PPFIA1: variants seen among roughly 807,000 people sequenced by gnomAD.
PPFIA1 encodes the protein PPFI scaffold protein A1.
PPFIA1 carries 25 observed loss-of-function variants against 149.9 expected under a neutral mutation model. The ratio of observed to expected loss-of-function variants is 0.17; its 90% CI spans 0.12 to 0.23. PPFIA1 has a LOEUF of 0.23. PPFIA1 is among the 10% of genes least tolerant of loss of function. PPFIA1 has a pLI of 1.00. For synonymous variants in PPFIA1, 549 were observed against 552.8 expected (o/e 0.99, Z 0.10); for missense variants, 1,362 against 1,506.5 (o/e 0.90, Z 1.59).
chr11:70,320,062 C>T, intron 2 of PPFIA1: 1 of 152,194 alleles, frequency 6.6e-6, no homozygotes, highest in Non-Finnish European at 1.5e-5. Flanking sequence ...AGTGGACAGG[C>T]CCTGTTTCTG....
intron 2 of PPFIA1, among the ~76,000 whole-genome samples, chr11:70,288,612 C>T (rs1365347064): frequency 6.6e-6 from 1 of 152,154 alleles, no homozygotes; most frequent in South Asian, 2.1e-4. Context: ...CGTCCGTGTA[C>T]AGTGATGAAC....
rs745924946 is a variant in PPFIA1 at position 70,372,583 on chromosome 11, A to T, written c.3139+9A>T. ...TCAGAGTGAAATAAAAGGTTAGTAC[A>T]TGACATTTAATTGATTCGGTTTACT... is the stretch of plus-strand genomic sequence containing the variant. On this transcript the variant is annotated intron_variant, in intron 23 of 27. Transcript: ENST00000253925. 5 of 1,591,432 alleles carry T rather than the reference A, an allele frequency of 3.1e-6. No homozygotes were observed. Among genetic ancestry groups the T allele is most frequent in the Non-Finnish European group, 4.3e-6 (5 of 1,162,062 alleles).
In PPFIA1 at chr11:70,382,090, A is replaced by C. The variant is rs200733562; in HGVS notation, c.3553A>C (p.Asn1185His). Residue 1185 changes from asparagine to histidine, a missense_variant and splice_region_variant, in exon 27 of 28, where the codon AAT becomes CAT. This residue lies in a region of PPFIA1 where 349 missense variants were observed against 373.3 expected (regional missense o/e 0.93). Coordinates refer to ENST00000253925, the MANE Select transcript of PPFIA1 (RefSeq NM_003626.5). ...TCCTCTCGTGGCTGTTGAAACAGGC[A>C]ATGTATCAGGAACACAGAGGTTGGA... ...MQPKKMQMDG[N>H]VSGTQRLDSA... The C allele has an allele frequency of 4.3e-6, 7 of 1,614,060 alleles. No homozygotes were observed. Among genetic ancestry groups the C allele is most frequent in the Admixed American group, 1.7e-5 (1 of 60,018 alleles).
At position 70,272,999 on chromosome 11, in the gene PPFIA1, C is replaced by T. The variant is rs193268762; in HGVS notation, c.264+563C>T. 4.6e-5 allele frequency among the ~76,000 whole-genome samples: 7 copies of T among 152,296 alleles called. No individual in the cohort carries two copies. In the East Asian group the frequency reaches 7.7e-4, roughly 17 times the overall value. Reference sequence around the variant, plus strand: ...CAGATGAGAATTTTAAAGCTTAGGCCGGGTGTGGTGGCTCATGCCTGTAAT... The same window carrying T: ...CAGATGAGAATTTTAAAGCTTAGGCTGGGTGTGGTGGCTCATGCCTGTAAT... On this transcript the variant is annotated intron_variant, in intron 2 of 27. Transcript: ENST00000253925.
At chr11:70,360,475 A>C (rs1344912708) in intron 19 of PPFIA1, among the ~76,000 whole-genome samples, 1 of 152,254 alleles carries the variant, frequency 6.6e-6, no homozygotes, top group Non-Finnish European at 1.5e-5. Flanking sequence ...CCGGACGCTC[A>C]AAGCCTTAGC....
chr11:70,354,436 A>G lies in PPFIA1; in HGVS notation c.2299A>G (p.Ile767Val). The part of the protein sequence containing the change: ...GALHTVSHED[I>V]RDIRNSTGSQ... ...GCTGCACACCGTCAGCCACGAGGAC[A>G]TCAGGGACATAAGGAAGTAAGGAGC... The change falls in exon 17 of 28, where the codon ATC (isoleucine) becomes GTC (valine). Residue 767 changes from isoleucine to valine, a missense_variant. By Grantham distance (29) the Ile-to-Val change is conservative (BLOSUM62 3). Coordinates refer to ENST00000253925, the MANE Select transcript of PPFIA1 (RefSeq NM_003626.5). 1.2e-6 allele frequency: 2 copies of G among 1,613,746 alleles called. No homozygotes were observed. Among genetic ancestry groups the G allele is most frequent in the Non-Finnish European group, 1.7e-6 (2 of 1,179,922 alleles).
intron 2 of PPFIA1, among the ~76,000 whole-genome samples, chr11:70,313,817 G>T (rs1456250093): frequency 6.6e-6 from 1 of 152,172 alleles, no homozygotes; most frequent in African/African-American, 2.4e-5. Flanking sequence ...CTTGAGCCCA[G>T]GAGTTTGAGG....
In PPFIA1 at chr11:70,272,250, C is replaced by G; in HGVS notation, c.78C>G (p.Ser26=). The part of the protein sequence containing the change: ...PGGGGGHGSG[S]PSQPDADSHF... ...GAGGTGGAGGCCATGGTTCCGGCTC[C>G]CCTTCACAGCCAGATGCAGATTCAC... Residue 26 remains serine, a synonymous_variant, in exon 2 of 28, where the codon TCC becomes TCG. Transcript: ENST00000253925. 6 of 1,614,164 alleles carry G rather than the reference C, an allele frequency of 3.7e-6. No homozygotes were observed. The highest frequency in any genetic ancestry group is 5.1e-6 in the Non-Finnish European group (6 of 1,180,032).
chr11:70,344,796 A>G (rs1300990776), intron 15 of PPFIA1, among the ~76,000 whole-genome samples: 1 of 152,238 alleles, frequency 6.6e-6, no homozygotes, highest in Non-Finnish European at 1.5e-5. Flanking sequence ...AACAGTCGAC[A>G]GATAGAGTCT....
At chr11:70,302,205 A>G (rs1049078160) in intron 2 of PPFIA1, among the ~76,000 whole-genome samples, 3 of 152,112 alleles carry the variant, frequency 2.0e-5, no homozygotes, top group East Asian at 1.9e-4. Context: ...CATCAAGGGG[A>G]TCGTGGGGAT....
chr11:70,322,993 A>G (rs2054038688), intron 2 of PPFIA1, among the ~76,000 whole-genome samples: 1 of 152,150 alleles, frequency 6.6e-6, no homozygotes, highest in Non-Finnish European at 1.5e-5. Flanking sequence ...ATAATTAGAA[A>G]CCAATTCAGT....
chr11:70,362,642 A>C, intron 21 of PPFIA1, 154 bp downstream of exon 21: 1 of 622,202 alleles, frequency 1.6e-6, no homozygotes, highest in Non-Finnish European at 2.4e-6. Flanking sequence ...TAGAACTTTT[A>C]ATTTTGGGGA....
chr11:70,273,042 C>T lies in PPFIA1; in HGVS notation c.264+606C>T, dbSNP rs533503119. 4.6e-5 allele frequency among the ~76,000 whole-genome samples: 7 copies of T among 152,308 alleles called. No homozygotes were observed. In the East Asian group the frequency reaches 1.4e-3, roughly 29 times the overall value. On this transcript the variant is annotated intron_variant, in intron 2 of 27. Coordinates refer to ENST00000253925, the MANE Select transcript of PPFIA1 (RefSeq NM_003626.5). ...CCTGTAATCCCAGCACTCTGGGAGG[C>T]TGAGGCAGGCGGATCACCTGAGGTC... is the stretch of plus-strand genomic sequence containing the variant.
intron 23 of PPFIA1, among the ~76,000 whole-genome samples, chr11:70,373,093 A>C (rs2057342267): frequency 6.6e-6 from 1 of 152,250 alleles, no homozygotes; most frequent in South Asian, 2.1e-4. Flanking sequence ...AAGGCATTTC[A>C]GTTGGAAAAC....
intron 2 of PPFIA1, among the ~76,000 whole-genome samples, chr11:70,284,539 A>G (rs1391642438): frequency 6.6e-6 from 1 of 152,196 alleles, no homozygotes; most frequent in African/African-American, 2.4e-5. Context: ...CAATATACCC[A>G]TGCTCAAAGC....
rs996610347 is a variant in PPFIA1 at position 70,372,325 on chromosome 11, G to C, written c.2976G>C (p.Arg992Ser). 23 of 1,614,128 alleles carry C rather than the reference G, an allele frequency of 1.4e-5. No individual in the cohort carries two copies. Among genetic ancestry groups the C allele is most frequent in the Middle Eastern group, 1.6e-4 (1 of 6,084 alleles). Residue 992 changes from arginine to serine, a missense_variant, in exon 22 of 28, where the codon AGG becomes AGC. Transcript: ENST00000253925. ...TCATGGAGTGCCTTGTAGACGCCAGGATGCTGGACCACTTGACCAAGAAAG... is the reference window on the plus strand; with the variant it reads ...TCATGGAGTGCCTTGTAGACGCCAGCATGCTGGACCACTTGACCAAGAAAG... ...SYFMECLVDA[R>S]MLDHLTKKDL...
intron 24 of PPFIA1, 91 bp downstream of exon 24, chr11:70,375,184 A>C: frequency 1.1e-5 from 4 of 378,058 alleles, no homozygotes; most frequent in African/African-American, 4.6e-5. Flanking sequence ...GAAACTTTAA[A>C]AAAAAAAAAA....
Position 70,372,528 on chromosome 11 carries a change from G to A in PPFIA1, c.3093G>A (p.Arg1031=). ...IMCLRRLNYD[R]KELERKREES... Reference sequence around the variant, plus strand: ...GCCTGAGAAGGTTAAATTATGACCGGAAAGAACTGGAAAGAAAAAGAGAAG... The same window carrying A: ...GCCTGAGAAGGTTAAATTATGACCGAAAAGAACTGGAAAGAAAAAGAGAAG... Residue 1031 remains arginine (R), a synonymous_variant, in exon 23 of 28, where the codon CGG becomes CGA. Coordinates refer to ENST00000253925, the MANE Select transcript of PPFIA1 (RefSeq NM_003626.5). 6.2e-7 allele frequency: 1 copy of A among 1,613,666 alleles called. No individual in the cohort carries two copies. The highest frequency in any genetic ancestry group is 8.5e-7 in the Non-Finnish European group (1 of 1,179,738).
intron 26 of PPFIA1, among the ~76,000 whole-genome samples, chr11:70,379,877 A>C (rs940881850): frequency 2.0e-5 from 3 of 152,214 alleles, no homozygotes; most frequent in Non-Finnish European, 4.4e-5. Flanking sequence ...GGGAAAACCC[A>C]GTATATCTTT....
Sources: gnomAD v4.1 joint callset for allele counts (sites outside exome capture counted in the v4.1 genomes callset) on GRCh38, gnomAD v4.1.1 for gene constraint, gnomAD v4.1.1 regional missense constraint, MANE v1.5 for transcripts, NCBI Gene and HGNC (gene_info 2026-07-23, HGNC 2026-07-21) for gene names.